The following RBFOX1 variants were observed in gnomAD, a reference collection of about 807,000 sequenced individuals.
RBFOX1 encodes the protein RNA binding fox-1 homolog 1.
RBFOX1 carries 8 observed loss-of-function variants against 57.7 expected under a neutral mutation model. The ratio of observed to expected loss-of-function variants is 0.14; its 90% confidence interval spans 0.08 to 0.25. The LOEUF is 0.25. RBFOX1 is among the 10% of genes least tolerant of loss of function. RBFOX1 has a pLI of 1.00. For missense variants in RBFOX1, 611 were observed against 548.5 expected (o/e 1.11, Z -1.14); for synonymous variants, 326 against 222.4 (o/e 1.47, Z -4.15).
At chr16:7,395,348 A>G (rs2098123466) in intron 4 of RBFOX1, among the ~76,000 whole-genome samples, 2 of 152,244 alleles carry the variant, frequency 1.3e-5, no homozygotes, top group African/African-American at 2.4e-5. Context: ...CAGATGATTG[A>G]AATTATTTCT....
At chr16:7,671,948 C>CTCAA (rs1306707477) in intron 13 of RBFOX1, among the ~76,000 whole-genome samples, 2 of 152,260 alleles carry the variant, frequency 1.3e-5, no homozygotes, top group East Asian at 1.9e-4. Flanking sequence ...GCTATCTGGA[C>CTCAA]TCAATCAGTA....
chr16:5,740,947 G>T (rs1055056302), intron 3 of RBFOX1, among the ~76,000 whole-genome samples: 1 of 152,166 alleles, frequency 6.6e-6, no homozygotes, highest in Non-Finnish European at 1.5e-5. Flanking sequence ...GTCATGATGA[G>T]TTGGAGTGGG....
chr16:7,649,062 A>T (rs2064370169), intron 11 of RBFOX1, among the ~76,000 whole-genome samples: 1 of 152,176 alleles, frequency 6.6e-6, no homozygotes, highest in Admixed American at 6.5e-5. Flanking sequence ...TGTGCAAAAA[A>T]AGAATTCGGG....
intron 2 of RBFOX1, among the ~76,000 whole-genome samples, chr16:6,650,017 C>T (rs1454730255): frequency 1.3e-5 from 2 of 152,116 alleles, no homozygotes; most frequent in Non-Finnish European, 2.9e-5. Context: ...GTGAATAATG[C>T]TGCAGTGAAG....
chr16:7,524,218 T>C (rs2078161752), intron 5 of RBFOX1, among the ~76,000 whole-genome samples: 1 of 152,170 alleles, frequency 6.6e-6, no homozygotes, highest in Non-Finnish European at 1.5e-5. Flanking sequence ...GAACATCTAA[T>C]ATATGCACAT....
At chr16:5,936,146 C>G (rs924002361) in intron 4 of RBFOX1, among the ~76,000 whole-genome samples, 18 of 152,194 alleles carry the variant, frequency 1.2e-4, no homozygotes, top group African/African-American at 4.1e-4. Flanking sequence ...TGTTTTGAGA[C>G]AGAGTTTCAC....
At chr16:7,090,472 G>A (rs1343848186) in intron 4 of RBFOX1, among the ~76,000 whole-genome samples, 2 of 152,090 alleles carry the variant, frequency 1.3e-5, no homozygotes, top group Non-Finnish European at 2.9e-5. Flanking sequence ...AAATGCTTTG[G>A]AATCGTATCA....
At chr16:7,102,657 A>G (rs990674086) in intron 4 of RBFOX1, among the ~76,000 whole-genome samples, 6 of 152,200 alleles carry the variant, frequency 3.9e-5, no homozygotes, top group African/African-American at 1.4e-4. Flanking sequence ...TATTTTCAAC[A>G]GTGAACATTT....
intron 4 of RBFOX1, among the ~76,000 whole-genome samples, chr16:7,460,370 A>AAAAAAAATAT (rs1251870828): frequency 1.6e-4 from 12 of 76,032 alleles, no homozygotes; most frequent in African/African-American, 8.2e-4. Flanking sequence ...CATTTAGCAA[A>AAAAAAAATAT]ATATATATAT....
At chr16:6,569,650 G>T (rs924352278) in intron 2 of RBFOX1, among the ~76,000 whole-genome samples, 2 of 152,154 alleles carry the variant, frequency 1.3e-5, no homozygotes, top group African/African-American at 4.8e-5. Flanking sequence ...CAACCTTTCT[G>T]TCCATGGGTG....
At chr16:7,194,614 C>G (rs536054761) in intron 4 of RBFOX1, among the ~76,000 whole-genome samples, 4 of 152,132 alleles carry the variant, frequency 2.6e-5, no homozygotes, top group African/African-American at 9.7e-5. Flanking sequence ...AGAAACACTT[C>G]GTTTTATTAC....
chr16:5,948,218 C>G (rs2059444618), intron 4 of RBFOX1, among the ~76,000 whole-genome samples: 1 of 152,156 alleles, frequency 6.6e-6, no homozygotes, highest in African/African-American at 2.4e-5. Flanking sequence ...GTTAATTGCG[C>G]TGACCGAGCT....
intron 3 of RBFOX1, among the ~76,000 whole-genome samples, chr16:5,633,677 C>T (rs2048591864): frequency 3.9e-5 from 6 of 152,008 alleles, no homozygotes; most frequent in Admixed American, 3.9e-4. Context: ...AGTTTGAGGT[C>T]AGCCTGGCCA....
intron 1 of RBFOX1, among the ~76,000 whole-genome samples, chr16:5,296,462 C>T (rs999648840): frequency 6.6e-6 from 1 of 152,030 alleles, no homozygotes; most frequent in African/African-American, 2.4e-5. Flanking sequence ...TGTGGATGTT[C>T]TGGGCCAGAT....
intron 1 of RBFOX1, among the ~76,000 whole-genome samples, chr16:5,279,584 C>T (rs137920487): frequency 0.012 from 1,895 of 152,280 alleles, 25 homozygotes; most frequent in African/African-American, 0.043. Context: ...TCACTGCAAC[C>T]TCCGCCTCTC....
At chr16:6,187,857 G>C (rs551096648) in intron 1 of RBFOX1, among the ~76,000 whole-genome samples, 4 of 152,278 alleles carry the variant, frequency 2.6e-5, no homozygotes, top group African/African-American at 9.6e-5. Context: ...TGTGACCATT[G>C]TTAACTGTTT....
chr16:7,317,826 G>T (rs979993019), intron 4 of RBFOX1, among the ~76,000 whole-genome samples: 2 of 152,222 alleles, frequency 1.3e-5, no homozygotes, highest in South Asian at 2.1e-4. Context: ...CATTTACGAA[G>T]TAGAGGTAAC....
In RBFOX1 at chr16:6,097,402, C is replaced by T. The variant is rs2096258241; in HGVS notation, c.-127+77410C>T. On this transcript the variant is annotated intron_variant, in intron 1 of 15. Coordinates refer to ENST00000550418, the MANE Select transcript of RBFOX1 (RefSeq NM_018723.4). This position sits in a 1 kb window ranked among gnomAD's most constrained non-coding sequence, Gnocchi z 5.0. ...GAAGTACCACTCAAACCATGGTCTG[C>T]AGACTACCAGCATTAGCAAGGCCTG... Among the ~76,000 whole-genome samples the T allele has an allele frequency of 1.3e-5, 2 of 152,078 alleles. No homozygotes were observed. The highest frequency in any genetic ancestry group is 2.9e-5 in the Non-Finnish European group (2 of 68,018).
At chr16:5,362,574 C>A (rs994820278) in intron 1 of RBFOX1, among the ~76,000 whole-genome samples, 2 of 152,162 alleles carry the variant, frequency 1.3e-5, no homozygotes, top group Non-Finnish European at 2.9e-5. Context: ...GTTGGTCAGG[C>A]TGGTCTTGAA....
Sources: gnomAD v4.1 joint callset for allele counts (sites outside exome capture counted in the v4.1 genomes callset) on GRCh38, gnomAD v4.1.1 for gene constraint, Gnocchi (gnomAD v3.1) non-coding constraint, MANE v1.5 for transcripts, NCBI Gene and HGNC (gene_info 2026-07-23, HGNC 2026-07-21) for gene names.